The following NUP98 variants were observed in gnomAD, a reference collection of about 807,000 sequenced individuals.
The protein encoded by NUP98 is nucleoporin 98 and 96 precursor, also known as nuclear pore complex protein Nup98-Nup96.
Under a neutral mutation model 191.9 loss-of-function variants are expected in NUP98, and 26 were observed. The ratio of observed to expected loss-of-function variants is 0.14; its 90% CI spans 0.10 to 0.19. The LOEUF (loss-of-function observed/expected upper bound fraction) is 0.19. Ranked by LOEUF, NUP98 falls within the 10% of genes least tolerant of loss-of-function variation. The pLI is 1.00. For missense variants in NUP98, 1,941 were observed against 2,178.8 expected, an observed-to-expected ratio of 0.89 and a Z score of 2.17; for synonymous variants, 808 against 778.4, an observed-to-expected ratio of 1.04 and a Z score of -0.63.
At chr11:3,690,451 A>C (rs559392240) in intron 28 of NUP98, among the ~76,000 whole-genome samples, 2 of 151,610 alleles carry the variant, frequency 1.3e-5, no homozygotes, top group South Asian at 4.2e-4. Context: ...TAGTAGAGAC[A>C]GGGTTTCACT....
rs147517130 is a variant in NUP98 at position 3,749,810 on chromosome 11, C to A, written c.1267+3506G>T. On this transcript the variant is annotated intron_variant, in intron 11 of 32. Transcript: ENST00000324932. ...GCAAACTGGAATGTACCAATTTCTACTGTCATGTATGAAAAGACAAAAAAG... is the reference window on the plus strand; with the variant it reads ...GCAAACTGGAATGTACCAATTTCTAATGTCATGTATGAAAAGACAAAAAAG... Among the ~76,000 whole-genome samples the A allele has an allele frequency of 2.4e-3, 359 of 151,092 alleles. 4 individuals carry two copies. Among genetic ancestry groups the A allele is most frequent in the African/African-American group, 8.1e-3 (335 of 41,316 alleles).
At chr11:3,748,869 A>C (rs944321262) in intron 11 of NUP98, among the ~76,000 whole-genome samples, 1 of 152,070 alleles carries the variant, frequency 6.6e-6, no homozygotes, top group Non-Finnish European at 1.5e-5. Flanking sequence ...TATTTCTTGC[A>C]AAATTTATGT....
Position 3,702,687 on chromosome 11 carries a change from C to A in NUP98, c.3288G>T (p.Arg1096Ser), listed in dbSNP as rs2078746286. 6.2e-7 allele frequency: 1 copy of A among 1,614,016 alleles called. No homozygotes were observed. Among genetic ancestry groups the A allele is most frequent in the South Asian group, 1.1e-5 (1 of 91,088 alleles). Reference protein sequence around the residue: ...EVPLKTVGTRRQLGLVPREKS... With the variant: ...EVPLKTVGTRSQLGLVPREKS... ...TTTCACGAGGGACTAGGCCTAGTTG[C>A]CTACGTGTACCCACTGTTTTCAACG... Residue 1096 changes from arginine (R) to serine (S), a missense_variant, in exon 23 of 33, where the codon AGG becomes AGT. Arg to Ser is a moderately radical substitution (Grantham distance 110, BLOSUM62 -1). Transcript: ENST00000324932.
intron 1 of NUP98, 38 bp downstream of exon 1, chr11:3,797,362 G>T: frequency 2.5e-6 from 1 of 400,828 alleles, no homozygotes; most frequent in Non-Finnish European, 4.4e-6. Flanking sequence ...GGAGAAACCT[G>T]CCGGTCTCGG....
At chr11:3,780,741 G>A (rs1409548259) in intron 2 of NUP98, among the ~76,000 whole-genome samples, 1 of 151,712 alleles carries the variant, frequency 6.6e-6, no homozygotes, top group Non-Finnish European at 1.5e-5. Context: ...ATGGAGACTA[G>A]CCTGGGCAAC....
chr11:3,784,605 A>AAAAAAAAAAAAAAAAAAAAAAAC (rs1554904743), intron 1 of NUP98, among the ~76,000 whole-genome samples: 1 of 141,930 alleles, frequency 7.0e-6, no homozygotes. Flanking sequence ...ACAAAAAAAA[A>AAAAAAAAAAAAAAAAAAAAAAAC]CAAAAAACAT....
At chr11:3,720,506 G>GA (rs1294412557) in intron 17 of NUP98, among the ~76,000 whole-genome samples, 1 of 151,842 alleles carries the variant, frequency 6.6e-6, no homozygotes, top group Non-Finnish European at 1.5e-5. Context: ...CATCTCAACA[G>GA]AAAAAATAAA....
chr11:3,787,498 G>A (rs995918904), intron 1 of NUP98, among the ~76,000 whole-genome samples: 6 of 151,990 alleles, frequency 3.9e-5, no homozygotes, highest in South Asian at 2.1e-4. Context: ...CAGGAGAGTC[G>A]CTCGAACCCG....
Position 3,706,489 on chromosome 11 carries a change from T to C in NUP98, c.2881A>G (p.Thr961Ala), listed in dbSNP as rs1263133114. 1.2e-6 allele frequency: 2 copies of C among 1,614,024 alleles called. No individual in the cohort carries two copies. Among genetic ancestry groups the C allele is most frequent in the African/African-American group, 1.3e-5 (1 of 74,912 alleles). Residue 961 changes from threonine to alanine, a missense_variant, in exon 21 of 33, where the codon ACA becomes GCA. Coordinates refer to ENST00000324932, the MANE Select transcript of NUP98 (RefSeq NM_016320.5). ...ATTCCCAGTGAAGATGCAATATGTG[T>C]TGAGGCAGACACAGGTTCCTGATCC... ...PEDQEPVSAS[T>A]HIASSLGINP...
intron 14 of NUP98, among the ~76,000 whole-genome samples, chr11:3,727,914 T>A (rs1319803106): frequency 6.6e-6 from 1 of 151,934 alleles, no homozygotes; most frequent in Non-Finnish European, 1.5e-5. Flanking sequence ...TCCCAGCTAC[T>A]CGGGAGGCCA....
At chr11:3,766,398 GA>G (rs541730621) in intron 8 of NUP98, among the ~76,000 whole-genome samples, 1 of 151,758 alleles carries the variant, frequency 6.6e-6, no homozygotes, top group Non-Finnish European at 1.5e-5. Context: ...ATAAAATTGA[GA>G]AACATGAAGG....
chr11:3,713,694 G>T, intron 19 of NUP98, 124 bp downstream of exon 19: 2 of 923,966 alleles, frequency 2.2e-6, no homozygotes, highest in Non-Finnish European at 3.2e-6. Flanking sequence ...ACTCCAGCCT[G>T]AGCAACAGAG....
At chr11:3,715,760 G>A (rs2079160461) in intron 18 of NUP98, among the ~76,000 whole-genome samples, 3 of 150,412 alleles carry the variant, frequency 2.0e-5, no homozygotes, top group Admixed American at 1.3e-4. Context: ...TAGGACTACA[G>A]GTGTGTGCAA....
chr11:3,750,421 T>C (rs2080704787), intron 11 of NUP98, among the ~76,000 whole-genome samples: 1 of 152,154 alleles, frequency 6.6e-6, no homozygotes, highest in East Asian at 1.9e-4. Flanking sequence ...CAAAATGAGA[T>C]TGATATGTAT....
In NUP98 at chr11:3,720,975, A is replaced by AGAGTGTGT. The variant is rs142023494; in HGVS notation, c.2147-151_2147-150insACACACTC. Reference sequence around the variant, plus strand: ...TGATTCCTAGGAGAAGGGGTGTGTGAGTGTGTGTGTGTGTGTGTGTGTGTG... The same window carrying AGAGTGTGT: ...TGATTCCTAGGAGAAGGGGTGTGTGAGAGTGTGTGTGTGTGTGTGTGTGTGTGTGTGTG... On this transcript the variant is annotated intron_variant, in intron 16 of 32. Transcript: ENST00000324932. 2.5e-5 allele frequency: 8 copies of AGAGTGTGT among 324,600 alleles called. 1 individual carries two copies. The highest frequency in any genetic ancestry group is 9.4e-5 in the Admixed American group (2 of 21,320). The allele number at this position is 324,600 out of a possible 1,614,324, so 20.1% of individuals were successfully genotyped here. A position where few individuals can be genotyped will look rare whatever the true frequency, so the allele number is the denominator to read the frequency against.
chr11:3,750,999 A>T (rs1300414338), intron 11 of NUP98, among the ~76,000 whole-genome samples: 2 of 152,138 alleles, frequency 1.3e-5, no homozygotes, highest in African/African-American at 2.4e-5. Context: ...TATTAATTAT[A>T]ACCAACTAAT....
rs552612628 is a variant in NUP98 at position 3,698,991 on chromosome 11, C to A, written c.4009+91G>T. ...CAATTAATACTCATAGGCTAGAAGCCAAAGGGAAATGCACAATTAGCGGGG... is the reference window on the plus strand; with the variant it reads ...CAATTAATACTCATAGGCTAGAAGCAAAAGGGAAATGCACAATTAGCGGGG... On this transcript the variant is annotated intron_variant, in intron 25 of 32. Transcript: ENST00000324932. The A allele has an allele frequency of 3.4e-6, 5 of 1,467,080 alleles. No homozygotes were observed. The African/African-American group carries it at 7.0e-5, about 21-fold the overall frequency. 90.9% of individuals were successfully genotyped at this position (1,467,080 alleles called of 1,614,324 possible).
chr11:3,763,370 T>C (rs1564899649), intron 8 of NUP98, among the ~76,000 whole-genome samples: 1 of 152,178 alleles, frequency 6.6e-6, no homozygotes, highest in Non-Finnish European at 1.5e-5. Context: ...TTAACTCTTG[T>C]GCTCTAAGAG....
At chr11:3,709,484 C>T (rs1441990278) in intron 20 of NUP98, among the ~76,000 whole-genome samples, 1 of 151,964 alleles carries the variant, frequency 6.6e-6, no homozygotes, top group Non-Finnish European at 1.5e-5. Context: ...GCAGGATACT[C>T]ATTCGGCCAA....
Sources: allele counts gnomAD v4.1 joint callset (sites outside exome capture counted in the v4.1 genomes callset), GRCh38; gene constraint gnomAD v4.1.1; transcripts MANE v1.5; gene names NCBI Gene and HGNC (gene_info 2026-07-23, HGNC 2026-07-21).